The following RALGAPA2 variants were observed in gnomAD, a reference collection of about 807,000 sequenced individuals.
RALGAPA2 encodes the protein Ral GTPase activating protein catalytic subunit alpha 2, also known as ral GTPase-activating protein subunit alpha-2.
A neutral mutation model predicts 230.4 loss-of-function variants in RALGAPA2; 139 were observed. The observed-to-expected ratio is 0.60, with a 90% CI of 0.53 to 0.69. RALGAPA2 has a LOEUF of 0.69. Among genes scored for constraint, RALGAPA2 ranks in the 30% least tolerant of loss-of-function variants. The pLI, the probability that RALGAPA2 is intolerant of heterozygous loss-of-function variation, is 0.00. For missense variants in RALGAPA2, 2,163 were observed against 2,276.0 expected, an observed-to-expected ratio of 0.95 and a Z score of 1.01; for synonymous variants, 847 against 837.8, an observed-to-expected ratio of 1.01 and a Z score of -0.19.
At position 20,511,305 on chromosome 20, in the gene RALGAPA2, T is replaced by C. The variant is rs1250302302; in HGVS notation, c.4877A>G (p.Lys1626Arg). 6.4e-7 allele frequency: 1 copy of C among 1,560,736 alleles called. No homozygotes were observed. Among genetic ancestry groups the C allele is most frequent in the Non-Finnish European group, 8.7e-7 (1 of 1,151,770 alleles). Residue 1626 changes from lysine to arginine, a missense_variant, in exon 33 of 40, where the codon AAG (lysine) becomes AGG (arginine). Physicochemically the swap from Lys to Arg is conservative, Grantham distance 26. Transcript: ENST00000202677. ...WDRRKNFHLLKKNSKLLRELK... is the reference protein window; with the variant it reads ...WDRRKNFHLLRKNSKLLRELK... ...CTCTCTCAATAATTTTGAATTTTTC[T>C]TCAATAGATGAAAATTCTTCCTATA...
intron 37 of RALGAPA2, among the ~76,000 whole-genome samples, chr20:20,466,020 T>C (rs537266027): frequency 2.6e-5 from 4 of 152,350 alleles, no homozygotes; most frequent in African/African-American, 4.8e-5. Context: ...GGCACTGTTT[T>C]ACCTGCTTGG....
intron 1 of RALGAPA2, among the ~76,000 whole-genome samples, chr20:20,695,327 G>T (rs1162170174): frequency 2.0e-5 from 3 of 152,114 alleles, no homozygotes; most frequent in African/African-American, 7.2e-5. Context: ...TCACTGAAAA[G>T]GATAAAAAAT....
chr20:20,616,746 C>T lies in RALGAPA2; in HGVS notation c.1540-555G>A, dbSNP rs748468579. On this transcript the variant is annotated intron_variant, in intron 12 of 39. Transcript: ENST00000202677. ...TGTGTCCAGAAACAGACGAAGCCAT[C>T]GACATCACACGCCTTCCAGGAGGCT... Among the ~76,000 whole-genome samples the T allele has an allele frequency of 1.4e-4, 22 of 152,018 alleles. No homozygotes were observed. The South Asian group carries it at 1.5e-3, about 10-fold the overall frequency.
At chr20:20,524,267 T>TTTAAC in intron 30 of RALGAPA2, 139 bp downstream of exon 30, 4 of 1,231,002 alleles carry the variant, frequency 3.2e-6, no homozygotes, top group Non-Finnish European at 4.4e-6. Flanking sequence ...AGTTATTTAC[T>TTTAAC]TTTTAAGAAA....
intron 10 of RALGAPA2, among the ~76,000 whole-genome samples, chr20:20,625,241 C>T (rs2066455926): frequency 6.6e-6 from 1 of 152,194 alleles, no homozygotes; most frequent in Non-Finnish European, 1.5e-5. Flanking sequence ...TGTTTATAAT[C>T]CTTTCTTACC....
chr20:20,546,137 G>A (rs1368796561), intron 24 of RALGAPA2, among the ~76,000 whole-genome samples: 4 of 152,146 alleles, frequency 2.6e-5, no homozygotes, highest in African/African-American at 9.7e-5. Context: ...TAAATGTAGA[G>A]AGTAAAAATA....
At chr20:20,515,679 C>A (rs1210681222) in intron 31 of RALGAPA2, among the ~76,000 whole-genome samples, 2 of 152,226 alleles carry the variant, frequency 1.3e-5, no homozygotes, top group African/African-American at 2.4e-5. Context: ...TCTCAGTCTC[C>A]AGCATGAACC....
intron 1 of RALGAPA2, among the ~76,000 whole-genome samples, chr20:20,700,689 A>G (rs568847508): frequency 6.6e-6 from 1 of 152,324 alleles, no homozygotes; most frequent in African/African-American, 2.4e-5. Context: ...AGGTTTACGA[A>G]CACCAATCTC....
At chr20:20,599,869 A>G in intron 16 of RALGAPA2, among the ~76,000 whole-genome samples, 1 of 152,070 alleles carries the variant, frequency 6.6e-6, no homozygotes, top group Non-Finnish European at 1.5e-5. Context: ...GCTACTCGGG[A>G]GGCTGAGGTG....
chr20:20,392,979 C>CTT lies in RALGAPA2; in HGVS notation c.*308_*309dup. The CTT allele has an allele frequency of 9.6e-7, 1 of 1,045,226 alleles. No individual in the cohort carries two copies. Among genetic ancestry groups the CTT allele is most frequent in the South Asian group, 1.5e-5 (1 of 65,232 alleles). 64.7% of individuals were successfully genotyped at this position (1,045,226 alleles called of 1,614,324 possible). A position where few individuals can be genotyped will look rare whatever the true frequency, so the allele number is the denominator to read the frequency against. On this transcript the variant is annotated 3_prime_UTR_variant, in exon 40 of 40. Transcript: ENST00000202677. The stretch of plus-strand genomic sequence containing the variant: ...TGGGTTCATCTCTGGTTTTTGGTGA[C>CTT]TTTTTCTTTTCTTCTTTGGAAGTCC...
In RALGAPA2 at chr20:20,627,430, G is replaced by C. The variant is rs367665330; in HGVS notation, c.1233+1933C>G. On this transcript the variant is annotated intron_variant, in intron 10 of 39. Coordinates refer to ENST00000202677, the MANE Select transcript of RALGAPA2 (RefSeq NM_020343.4). ...GAACATCAGATTGGATGGCACGTGG[G>C]CATTTTAAAAGGCAAGTGTAGGAGG... is the stretch of plus-strand genomic sequence containing the variant. 3.1e-4 allele frequency among the ~76,000 whole-genome samples: 47 copies of C among 152,290 alleles called. 1 individual carries two copies. In the South Asian group the frequency reaches 8.5e-3, roughly 28 times the overall value.
rs1158944756 is a variant in RALGAPA2 at position 20,712,392 on chromosome 20, T to C, written c.89A>G (p.His30Arg). The C allele has an allele frequency of 1.9e-6, 3 of 1,549,146 alleles. No individual in the cohort carries two copies. The highest frequency in any genetic ancestry group is 1.4e-5 in the African/African-American group (1 of 72,580). Reference sequence around the variant, plus strand: ...CGCCTCACCCAGCAGCGCCCGCAGGTGCTTCAGGCGGGTCAGCACGTCCTT... The same window carrying C: ...CGCCTCACCCAGCAGCGCCCGCAGGCGCTTCAGGCGGGTCAGCACGTCCTT... ...PKKDVLTRLK[H>R]LRALLDNVDA... The change falls in exon 1 of 40, where the codon CAC becomes CGC. Residue 30 changes from histidine (H) to arginine (R), a missense_variant. Physicochemically the swap from His to Arg is conservative, Grantham distance 29 (BLOSUM62 0). Transcript: ENST00000202677. This position sits in a 1 kb window ranked among gnomAD's most constrained non-coding sequence, Gnocchi z 5.5.
At chr20:20,671,916 A>C (rs754057273) in intron 3 of RALGAPA2, among the ~76,000 whole-genome samples, 48 of 152,190 alleles carry the variant, frequency 3.2e-4, no homozygotes, top group Non-Finnish European at 6.3e-4. Flanking sequence ...GGGACTAAAA[A>C]ATGGTGGGGG....
In RALGAPA2 at chr20:20,512,524, A is replaced by T. The variant is rs1258803106; in HGVS notation, c.4845T>A (p.Ser1615=). The T allele has an allele frequency of 5.0e-6, 8 of 1,601,556 alleles. No individual in the cohort carries two copies. In the Admixed American group the frequency reaches 1.0e-4, roughly 21 times the overall value. The stretch of plus-strand genomic sequence containing the variant: ...GCTTGGATTGTTACCTTCTGTCCCA[A>T]GAATTCATTCCCAAGTCATCAAGCA... ...RLLLDDLGMN[S]WDRRKNFHLL... Residue 1615 remains serine (S), a synonymous_variant, in exon 32 of 40, where the codon TCT becomes TCA. Coordinates refer to ENST00000202677, the MANE Select transcript of RALGAPA2 (RefSeq NM_020343.4).
At chr20:20,586,947 G>A (rs1387536147) in intron 18 of RALGAPA2, among the ~76,000 whole-genome samples, 1 of 151,992 alleles carries the variant, frequency 6.6e-6, no homozygotes, top group Non-Finnish European at 1.5e-5. Flanking sequence ...TAAAACCCCA[G>A]TGTCCCATGT....
chr20:20,535,677 A>G (rs2063477604), intron 26 of RALGAPA2, 68 bp downstream of exon 26: 1 of 1,507,926 alleles, frequency 6.6e-7, no homozygotes, highest in Non-Finnish European at 8.9e-7. Flanking sequence ...CTTTTGTAAC[A>G]TTAACTACTT....
chr20:20,547,850 G>T (rs2063815173), intron 23 of RALGAPA2, among the ~76,000 whole-genome samples: 2 of 152,162 alleles, frequency 1.3e-5, no homozygotes, highest in African/African-American at 4.8e-5. Flanking sequence ...AACCTAGATG[G>T]TAGATGCCTA....
chr20:20,614,889 C>T (rs1396191389), intron 13 of RALGAPA2, among the ~76,000 whole-genome samples: 1 of 152,152 alleles, frequency 6.6e-6, no homozygotes, highest in Non-Finnish European at 1.5e-5. Context: ...GGAAAGGTGC[C>T]ACTGGTCTGC....
intron 38 of RALGAPA2, among the ~76,000 whole-genome samples, chr20:20,399,694 T>C (rs1032820595): frequency 6.6e-6 from 1 of 150,646 alleles, no homozygotes; most frequent in African/African-American, 2.5e-5. Context: ...TGGAGATGTG[T>C]TGTGTTATGT....
Sources: gnomAD v4.1 joint callset for allele counts (sites outside exome capture counted in the v4.1 genomes callset) on GRCh38, gnomAD v4.1.1 for gene constraint, Gnocchi (gnomAD v3.1) non-coding constraint, MANE v1.5 for transcripts, NCBI Gene and HGNC (gene_info 2026-07-23, HGNC 2026-07-21) for gene names.